Variants in NDC1 observed in about 807,000 individuals in gnomAD.
The protein encoded by NDC1 is NDC1 transmembrane nucleoporin, also known as nucleoporin NDC1.
In NDC1, 24 loss-of-function variants were observed where a neutral mutation model predicts 89.8. That is an observed-to-expected ratio of 0.27 (90% CI 0.19 to 0.38). NDC1 has a LOEUF of 0.38. Among genes scored for constraint, NDC1 ranks in the 10% least tolerant of loss-of-function variants. The pLI is 1.00. For synonymous variants in NDC1, 296 were observed against 284.8 expected (o/e 1.04, Z -0.39); for missense variants, 728 against 797.6 (o/e 0.91, Z 1.05).
chr1:53,828,238 T>C, intron 3 of NDC1, 65 bp from the exon 4 acceptor site: 3 of 1,435,328 alleles, frequency 2.1e-6, no homozygotes, highest in Non-Finnish European at 2.9e-6. Context: ...GGATCTAAAC[T>C]ATCCCCTCTC....
chr1:53,798,977 T>C (rs1396787949), intron 11 of NDC1, among the ~76,000 whole-genome samples: 1 of 152,206 alleles, frequency 6.6e-6, no homozygotes, highest in Non-Finnish European at 1.5e-5. Flanking sequence ...AAATTTTGGC[T>C]GAGTGATGGT....
intron 16 of NDC1, among the ~76,000 whole-genome samples, chr1:53,780,407 G>A (rs969716574): frequency 4.6e-5 from 7 of 152,168 alleles, no homozygotes; most frequent in African/African-American, 1.7e-4. Flanking sequence ...TGGCACTGTG[G>A]CACTGACTAC....
At chr1:53,831,040 T>C (rs965710814) in intron 3 of NDC1, among the ~76,000 whole-genome samples, 4 of 151,666 alleles carry the variant, frequency 2.6e-5, no homozygotes, top group African/African-American at 9.7e-5. Context: ...GCTAACATGG[T>C]GAAACCCCGT....
In NDC1 at chr1:53,807,775, G is replaced by C; in HGVS notation, c.772C>G (p.Leu258Val). Residue 258 changes from leucine (L) to valine (V), a missense_variant, in exon 8 of 18, where the codon CTT becomes GTT. Coordinates refer to ENST00000371429, the MANE Select transcript of NDC1 (RefSeq NM_018087.5). ...TTTAAGAGGCCACTCACTGTGTCAA[G>C]TGGCCTATGAACCTGCCTGTGAATG... ...LHIDEQVHRP[L>V]DTVSGLLNLS... 1 of 1,608,980 alleles carries C rather than the reference G, an allele frequency of 6.2e-7. No homozygotes were observed. The highest frequency in any genetic ancestry group is 1.1e-5 in the South Asian group (1 of 89,690).
chr1:53,809,707 A>C lies in NDC1; in HGVS notation c.743T>G (p.Leu248Arg). The change falls in exon 7 of 18, where the codon CTT becomes CGT. Residue 248 changes from leucine (L) to arginine (R), a missense_variant. By Grantham distance (102) the Leu-to-Arg change is moderately radical (BLOSUM62 -2). Coordinates refer to ENST00000371429, the MANE Select transcript of NDC1 (RefSeq NM_018087.5). Reference sequence around the variant, plus strand: ...AGGTATCACTTACTCATCTATGTGAAGGTTCATAGCAGTGCTAATCCAAGC... The same window carrying C: ...AGGTATCACTTACTCATCTATGTGACGGTTCATAGCAGTGCTAATCCAAGC... ...PKAWISTAMNLHIDEQVHRPL... is the reference protein window; with the variant it reads ...PKAWISTAMNRHIDEQVHRPL... 1 of 1,610,444 alleles carries C rather than the reference A, an allele frequency of 6.2e-7. No individual in the cohort carries two copies. Among genetic ancestry groups the C allele is most frequent in the East Asian group, 2.2e-5 (1 of 44,794 alleles).
intron 16 of NDC1, among the ~76,000 whole-genome samples, chr1:53,784,250 C>T (rs1247612444): frequency 2.0e-5 from 3 of 151,776 alleles, no homozygotes; most frequent in African/African-American, 7.3e-5. Flanking sequence ...CACACACACA[C>T]GCACACACTA....
chr1:53,798,693 T>C (rs1647810571), intron 11 of NDC1, among the ~76,000 whole-genome samples: 1 of 152,100 alleles, frequency 6.6e-6, no homozygotes, highest in South Asian at 2.1e-4. Context: ...TTGCTGGGAC[T>C]ATAAGTGTGC....
chr1:53,816,767 A>G (rs542911361), intron 6 of NDC1, among the ~76,000 whole-genome samples: 2 of 152,204 alleles, frequency 1.3e-5, no homozygotes, highest in Non-Finnish European at 2.9e-5. Flanking sequence ...CAAATCAGTA[A>G]GAAAAAAAAC....
At chr1:53,783,422 A>G (rs150277437) in intron 16 of NDC1, among the ~76,000 whole-genome samples, 1 of 152,292 alleles carries the variant, frequency 6.6e-6, no homozygotes, top group East Asian at 1.9e-4. Context: ...TATACTGAGA[A>G]GCTAAGTATC....
intron 14 of NDC1, among the ~76,000 whole-genome samples, chr1:53,793,009 G>A (rs1050794815): frequency 5.9e-5 from 9 of 152,208 alleles, no homozygotes; most frequent in Non-Finnish European, 8.8e-5. Flanking sequence ...CAAGAGATAC[G>A]AGAGGCAACT....
intron 8 of NDC1, 30 bp downstream of exon 8, chr1:53,807,626 T>C (rs779535607): frequency 1.3e-6 from 2 of 1,578,996 alleles, no homozygotes; most frequent in South Asian, 2.3e-5. Flanking sequence ...AACACAAAAG[T>C]ATTAAGAAAA....
At chr1:53,821,573 T>G (rs1183821333) in intron 5 of NDC1, among the ~76,000 whole-genome samples, 1 of 152,208 alleles carries the variant, frequency 6.6e-6, no homozygotes, top group Non-Finnish European at 1.5e-5. Flanking sequence ...GTGTAGCCAC[T>G]GGGTGCTACC....
intron 2 of NDC1, among the ~76,000 whole-genome samples, chr1:53,833,310 C>T (rs1468189438): frequency 1.3e-5 from 2 of 152,020 alleles, no homozygotes; most frequent in Non-Finnish European, 2.9e-5. Flanking sequence ...CAGATGCCCG[C>T]CATGGCTATT....
At chr1:53,784,323 C>A (rs946532479) in intron 16 of NDC1, among the ~76,000 whole-genome samples, 1 of 152,044 alleles carries the variant, frequency 6.6e-6, no homozygotes, top group African/African-American at 2.4e-5. Flanking sequence ...AGCCACAGTT[C>A]TAAGGGTAGA....
intron 16 of NDC1, among the ~76,000 whole-genome samples, chr1:53,779,360 CTT>C (rs564142530): frequency 6.8e-6 from 1 of 146,390 alleles, no homozygotes. Context: ...CTATAACATA[CTT>C]TTTTTTTTTA....
intron 5 of NDC1, 131 bp from the exon 6 acceptor site, chr1:53,819,210 T>C (rs1436278607): frequency 6.6e-6 from 4 of 603,736 alleles, no homozygotes; most frequent in African/African-American, 2.0e-5. Context: ...AGACAAAGAG[T>C]ATTGCAGAAG....
chr1:53,780,239 AT>A (rs1339594210), intron 16 of NDC1, among the ~76,000 whole-genome samples: 2 of 151,836 alleles, frequency 1.3e-5, no homozygotes, highest in Non-Finnish European at 2.9e-5. Flanking sequence ...CCCCCGGCTA[AT>A]TTTTTGTATT....
At chr1:53,812,473 A>G (rs1044591969) in intron 6 of NDC1, among the ~76,000 whole-genome samples, 2 of 152,254 alleles carry the variant, frequency 1.3e-5, no homozygotes, top group African/African-American at 4.8e-5. Flanking sequence ...AATGCTCTGG[A>G]AAGTCTCAGC....
At chr1:53,789,440 T>C (rs1468239904) in intron 14 of NDC1, among the ~76,000 whole-genome samples, 1 of 152,264 alleles carries the variant, frequency 6.6e-6, no homozygotes, top group Non-Finnish European at 1.5e-5. Flanking sequence ...CAGTTTCCAA[T>C]TTAAAGTTAC....
Sources: allele counts gnomAD v4.1 joint callset (sites outside exome capture counted in the v4.1 genomes callset), GRCh38; gene constraint gnomAD v4.1.1; transcripts MANE v1.5; gene names NCBI Gene and HGNC (gene_info 2026-07-23, HGNC 2026-07-21).